OXR1: variants seen among roughly 807,000 people sequenced by gnomAD.
OXR1 encodes oxidation resistance 1.
OXR1 carries 41 observed loss-of-function variants against 104.6 expected under a neutral mutation model. The observed-to-expected ratio is 0.39, with a 90% CI of 0.31 to 0.51. OXR1 has a LOEUF of 0.51. Ranked by LOEUF, OXR1 falls within the 20% of genes least tolerant of loss-of-function variation. OXR1 has a pLI of 0.77. For missense variants in OXR1, 955 were observed against 1,031.9 expected (o/e 0.93, Z 1.02); for synonymous variants, 348 against 348.4 (o/e 1.00, Z 0.01).
intron 1 of OXR1, among the ~76,000 whole-genome samples, chr8:106,339,475 C>A (rs1815111266): frequency 9.9e-6 from 1 of 101,338 alleles, no homozygotes; most frequent in Admixed American, 1.6e-4. Context: ...AGCCTGGGAA[C>A]AGAGCGAGAC....
At chr8:106,279,562 G>T (rs928231864) in intron 1 of OXR1, among the ~76,000 whole-genome samples, 4 of 152,134 alleles carry the variant, frequency 2.6e-5, no homozygotes, top group African/African-American at 9.7e-5. Flanking sequence ...TCCATCAACT[G>T]CCTCTTCTGA....
chr8:106,679,148 AGTCCTT>A lies in OXR1; in HGVS notation c.221-60_221-55del, dbSNP rs1479919774. 8 of 944,326 alleles carry A rather than the reference AGTCCTT, an allele frequency of 8.5e-6. No homozygotes were observed. In the African/African-American group the frequency reaches 1.3e-4, roughly 16 times the overall value. 58.5% of individuals were successfully genotyped at this position (944,326 alleles called of 1,614,324 possible). A position where few individuals can be genotyped will look rare whatever the true frequency, so the allele number is the denominator to read the frequency against. On this transcript the variant is annotated intron_variant, in intron 3 of 16. Coordinates refer to ENST00000517566, the MANE Select transcript of OXR1 (RefSeq NM_001198533.2). ...ATCTGCCCAAAGAGCTCTATTCAGT[AGTCCTT>A]GACATTACTCTGAAAGAAAGATGAA...
At chr8:106,453,658 T>C (rs1820444548) in intron 2 of OXR1, among the ~76,000 whole-genome samples, 1 of 152,222 alleles carries the variant, frequency 6.6e-6, no homozygotes, top group South Asian at 2.1e-4. Flanking sequence ...TCTGATTGCA[T>C]CACTCCTATT....
intron 3 of OXR1, among the ~76,000 whole-genome samples, chr8:106,650,314 G>T (rs1824456409): frequency 6.6e-6 from 1 of 152,180 alleles, no homozygotes; most frequent in Non-Finnish European, 1.5e-5. Context: ...CCATTACGCT[G>T]CTAGTAAGTG....
chr8:106,511,253 A>G (rs1462893768), intron 2 of OXR1, among the ~76,000 whole-genome samples: 1 of 152,150 alleles, frequency 6.6e-6, no homozygotes, highest in Non-Finnish European at 1.5e-5. Context: ...GCAATGTGAA[A>G]ATTCTTTATG....
At chr8:106,444,101 T>A (rs1175478468) in intron 2 of OXR1, among the ~76,000 whole-genome samples, 2 of 152,136 alleles carry the variant, frequency 1.3e-5, no homozygotes, top group African/African-American at 4.8e-5. Flanking sequence ...AAGCTCAATA[T>A]GACTGATCAT....
intron 4 of OXR1, among the ~76,000 whole-genome samples, chr8:106,681,748 C>T (rs1191348233): frequency 6.6e-6 from 1 of 152,078 alleles, no homozygotes; most frequent in Middle Eastern, 3.2e-3. Context: ...TGGTCTTGGA[C>T]TCCTGGGCTC....
intron 3 of OXR1, among the ~76,000 whole-genome samples, chr8:106,557,552 T>C (rs955050321): frequency 8.1e-5 from 12 of 148,698 alleles, no homozygotes; most frequent in East Asian, 3.9e-4. Flanking sequence ...GAATTCTACT[T>C]TTTTTTTTTT....
intron 1 of OXR1, among the ~76,000 whole-genome samples, chr8:106,351,087 A>C (rs1257570458): frequency 1.3e-5 from 2 of 152,212 alleles, no homozygotes; most frequent in Admixed American, 1.3e-4. Context: ...AAATTAAAGA[A>C]ATGGTATTTT....
At chr8:106,694,024 T>G (rs1829574422) in intron 7 of OXR1, among the ~76,000 whole-genome samples, 1 of 152,140 alleles carries the variant, frequency 6.6e-6, no homozygotes. Context: ...AAATATTTTC[T>G]CTTGATTTCT....
At chr8:106,365,158 T>C (rs986605175) in intron 2 of OXR1, among the ~76,000 whole-genome samples, 3 of 152,170 alleles carry the variant, frequency 2.0e-5, no homozygotes, top group Non-Finnish European at 4.4e-5. Context: ...GATATGAATA[T>C]AAGGCTGATA....
At chr8:106,581,984 A>G (rs1818255560) in intron 3 of OXR1, among the ~76,000 whole-genome samples, 1 of 140,310 alleles carries the variant, frequency 7.1e-6, no homozygotes, top group South Asian at 2.3e-4. Context: ...AGGTCGCACC[A>G]CTGCACCACA....
At chr8:106,749,285 G>T (rs1380080427) in intron 16 of OXR1, among the ~76,000 whole-genome samples, 1 of 151,102 alleles carries the variant, frequency 6.6e-6, no homozygotes, top group Non-Finnish European at 1.5e-5. Flanking sequence ...GGAGCTTGCA[G>T]TGCGCCAAGA....
intron 2 of OXR1, among the ~76,000 whole-genome samples, chr8:106,389,693 A>G (rs1029834755): frequency 6.6e-6 from 1 of 152,196 alleles, no homozygotes; most frequent in African/African-American, 2.4e-5. Flanking sequence ...TTGATGATGT[A>G]TGCCTTCAGA....
At chr8:106,280,487 AT>A (rs1231985006) in intron 1 of OXR1, among the ~76,000 whole-genome samples, 1 of 152,086 alleles carries the variant, frequency 6.6e-6, no homozygotes, top group South Asian at 2.1e-4. Flanking sequence ...ACCAGTCTCC[AT>A]CTTCATCATC....
intron 3 of OXR1, among the ~76,000 whole-genome samples, chr8:106,564,069 A>G (rs1261277548): frequency 6.6e-6 from 1 of 152,198 alleles, no homozygotes; most frequent in Non-Finnish European, 1.5e-5. Context: ...TAAGATCACA[A>G]TTAAAAAACT....
intron 1 of OXR1, among the ~76,000 whole-genome samples, chr8:106,355,826 T>C (rs1407163845): frequency 6.6e-6 from 1 of 152,150 alleles, no homozygotes; most frequent in African/African-American, 2.4e-5. Context: ...GTAAAGGACA[T>C]TGAGTAAAGA....
intron 11 of OXR1, among the ~76,000 whole-genome samples, chr8:106,730,809 T>G (rs968723938): frequency 6.6e-6 from 1 of 151,690 alleles, no homozygotes; most frequent in African/African-American, 2.4e-5. Context: ...ACGCCTGTAA[T>G]ATCAACACTT....
At chr8:106,696,598 A>G (rs963611264) in intron 7 of OXR1, among the ~76,000 whole-genome samples, 2 of 152,174 alleles carry the variant, frequency 1.3e-5, no homozygotes, top group African/African-American at 2.4e-5. Context: ...GGGAATCCCT[A>G]TTCCACAGCC....
Sources: gnomAD v4.1 joint callset for allele counts (sites outside exome capture counted in the v4.1 genomes callset) on GRCh38, gnomAD v4.1.1 for gene constraint, MANE v1.5 for transcripts, NCBI Gene and HGNC (gene_info 2026-07-23, HGNC 2026-07-21) for gene names.